The following TMEM232 variants were observed in gnomAD, a reference collection of about 807,000 sequenced individuals.
The protein encoded by TMEM232 is transmembrane protein 232.
TMEM232 carries 80 observed loss-of-function variants against 78.8 expected under a neutral mutation model. The ratio of observed to expected loss-of-function variants is 1.01; its 90% CI spans 0.85 to 1.22. TMEM232 has a LOEUF of 1.22. TMEM232 is among the 50% of genes most tolerant of loss of function. The pLI, the probability that TMEM232 is intolerant of heterozygous loss-of-function variation, is 0.00. For synonymous variants in TMEM232, 297 were observed against 254.3 expected (o/e 1.17, Z -1.60); for missense variants, 881 against 742.2 (o/e 1.19, Z -2.17).
At chr5:110,576,032 C>A (rs555560094) in intron 10 of TMEM232, among the ~76,000 whole-genome samples, 1 of 151,952 alleles carries the variant, frequency 6.6e-6, no homozygotes, top group African/African-American at 2.4e-5. Flanking sequence ...AGTGATGGTC[C>A]GCAGACTTCA....
At chr5:110,728,999 C>T (rs1334527476), upstream of TMEM232, among the ~76,000 whole-genome samples, 2 of 151,996 alleles carry the variant, frequency 1.3e-5, no homozygotes, top group Non-Finnish European at 2.9e-5. Context: ...ATTCTCCTGC[C>T]TCAGCCTCCC....
chr5:110,641,991 A>G (rs559134588), intron 3 of TMEM232, among the ~76,000 whole-genome samples: 1 of 151,938 alleles, frequency 6.6e-6, no homozygotes, highest in South Asian at 2.1e-4. Flanking sequence ...TTTTAAAAAA[A>G]TATAATTTTC....
intron 2 of TMEM232, among the ~76,000 whole-genome samples, chr5:110,404,508 G>C (rs1755714880): frequency 6.6e-6 from 1 of 152,076 alleles, no homozygotes; most frequent in Non-Finnish European, 1.5e-5. Flanking sequence ...GGCAGATCTA[G>C]ATATGTGAGC....
chr5:110,709,940 T>A (rs1042109452), intron 1 of TMEM232, among the ~76,000 whole-genome samples: 1 of 151,478 alleles, frequency 6.6e-6, no homozygotes, highest in Non-Finnish European at 1.5e-5. Flanking sequence ...TAAGTGACTT[T>A]GAAATGAAGA....
rs142496545 is a variant in TMEM232 at position 110,560,381 on chromosome 5, T to C, written c.1455+8066A>G. Reference sequence around the variant, plus strand: ...TCAGAAGATATTACAAAAATGCTTATAGAATAATTATTCATAATAGCTTGA... The same window carrying C: ...TCAGAAGATATTACAAAAATGCTTACAGAATAATTATTCATAATAGCTTGA... On this transcript the variant is annotated intron_variant, in intron 11 of 13. Coordinates refer to ENST00000455884, the MANE Select transcript of TMEM232 (RefSeq NM_001039763.4). Among the ~76,000 whole-genome samples, 26 of 152,286 alleles carry C rather than the reference T, an allele frequency of 1.7e-4. No individual in the cohort carries two copies. The East Asian group carries it at 4.6e-3, about 27-fold the overall frequency.
chr5:110,521,877 T>G (rs1769568060), intron 12 of TMEM232, among the ~76,000 whole-genome samples: 2 of 152,318 alleles, frequency 1.3e-5, no homozygotes, highest in South Asian at 4.1e-4. Context: ...TAATGTATTT[T>G]GAAATCAGAA....
intron 12 of TMEM232, among the ~76,000 whole-genome samples, chr5:110,471,846 C>G (rs1291843368): frequency 1.3e-5 from 2 of 151,816 alleles, no homozygotes; most frequent in Admixed American, 6.6e-5. Flanking sequence ...TTAAGCCAGA[C>G]TAAGAAGTCA....
chr5:110,521,620 A>C (rs1323759847), intron 12 of TMEM232, among the ~76,000 whole-genome samples: 1 of 151,954 alleles, frequency 6.6e-6, no homozygotes, highest in Non-Finnish European at 1.5e-5. Flanking sequence ...ATCCATTTGG[A>C]TCTGCTTTTT....
At chr5:110,727,850 G>C (rs114878390), upstream of TMEM232, among the ~76,000 whole-genome samples, 2 of 152,100 alleles carry the variant, frequency 1.3e-5, no homozygotes, top group Non-Finnish European at 2.9e-5. Context: ...AAGTGAAATT[G>C]ACAAAGACTA....
intron 10 of TMEM232, among the ~76,000 whole-genome samples, chr5:110,580,522 ATATCCT>A (rs1778078054): frequency 6.6e-6 from 1 of 151,748 alleles, no homozygotes; most frequent in African/African-American, 2.4e-5. Flanking sequence ...TTTTAAGAAC[ATATCCT>A]TATTCTTAAG....
At chr5:110,680,189 G>C (rs548479286) in intron 1 of TMEM232, among the ~76,000 whole-genome samples, 252 of 151,848 alleles carry the variant, frequency 1.7e-3, no homozygotes, top group African/African-American at 5.6e-3. Flanking sequence ...ATCTGAGGTA[G>C]GGAGTTCAAG....
At chr5:110,667,923 T>C (rs1790815656) in intron 1 of TMEM232, among the ~76,000 whole-genome samples, 1 of 152,064 alleles carries the variant, frequency 6.6e-6, no homozygotes, top group Admixed American at 6.6e-5. Context: ...CCCAGAATGT[T>C]TTTCCTTTTG....
intron 12 of TMEM232, among the ~76,000 whole-genome samples, chr5:110,510,184 C>T (rs980350006): frequency 8.5e-5 from 13 of 152,160 alleles, no homozygotes; most frequent in Non-Finnish European, 2.9e-5. Flanking sequence ...GGCTTCTTTC[C>T]TGAACTACAA....
chr5:110,438,931 A>C lies in TMEM232; in HGVS notation c.1704-14015T>G, dbSNP rs138133034. ...TTCACACTCAGAACTCCACCTGGTC[A>C]GATGTATTCTCTTATGCATCTTAAA... On this transcript the variant is annotated intron_variant, in intron 12 of 13. Transcript: ENST00000455884. Among the ~76,000 whole-genome samples, 267 of 152,254 alleles carry C rather than the reference A, an allele frequency of 1.8e-3. 2 individuals carry two copies. The highest frequency in any genetic ancestry group is 6.1e-3 in the African/African-American group (252 of 41,568).
Position 110,581,291 on chromosome 5 carries a change from A to G in TMEM232, c.1277-12666T>C, listed in dbSNP as rs141702514. ...ATACAACAAGGCTACAGTAGCCAAA[A>G]CAGCATGGTACTAGTACAAAAACAG... is the stretch of plus-strand genomic sequence containing the variant. On this transcript the variant is annotated intron_variant, in intron 10 of 13. Transcript: ENST00000455884. Among the ~76,000 whole-genome samples, 971 of 152,184 alleles carry G rather than the reference A, an allele frequency of 6.4e-3. 20 individuals are homozygous for G. Among genetic ancestry groups the G allele is most frequent in the African/African-American group, 0.022 (899 of 41,566 alleles).
intron 2 of TMEM232, among the ~76,000 whole-genome samples, chr5:110,401,620 G>A (rs1755600815): frequency 6.6e-6 from 1 of 151,966 alleles, no homozygotes; most frequent in Non-Finnish European, 1.5e-5. Context: ...TTGCTGAAGT[G>A]GTGTGCTTAA....
chr5:110,704,935 AT>A (rs1273510227), intron 1 of TMEM232, among the ~76,000 whole-genome samples: 1 of 151,996 alleles, frequency 6.6e-6, no homozygotes, highest in Non-Finnish European at 1.5e-5. Context: ...CAGGGACCTT[AT>A]TTTTGTGACT....
At chr5:110,466,215 A>C (rs1321610601) in intron 12 of TMEM232, among the ~76,000 whole-genome samples, 1 of 152,226 alleles carries the variant, frequency 6.6e-6, no homozygotes, top group East Asian at 1.9e-4. Context: ...ACCACAGAAA[A>C]GTAGATCACT....
At chr5:110,532,195 T>G (rs1048080880) in intron 11 of TMEM232, among the ~76,000 whole-genome samples, 1 of 151,902 alleles carries the variant, frequency 6.6e-6, no homozygotes, top group Non-Finnish European at 1.5e-5. Context: ...TTGTGCAGGA[T>G]CCCACTAGAA....
Sources: allele counts gnomAD v4.1 joint callset (sites outside exome capture counted in the v4.1 genomes callset), GRCh38; gene constraint gnomAD v4.1.1; transcripts MANE v1.5; gene names NCBI Gene and HGNC (gene_info 2026-07-23, HGNC 2026-07-21).